ART3: variants seen among roughly 807,000 people sequenced by gnomAD.
ART3 encodes ecto-ADP-ribosyltransferase 3.
In ART3, 49 loss-of-function variants were observed where a neutral mutation model predicts 48.5. The ratio of observed to expected loss-of-function variants is 1.01; its 90% confidence interval spans 0.80 to 1.28. The LOEUF (loss-of-function observed/expected upper bound fraction) is 1.28. Among genes scored for constraint, ART3 ranks in the 50% most tolerant of loss-of-function variants. The pLI, the probability that ART3 is intolerant of heterozygous loss-of-function variation, is 0.00. For synonymous variants in ART3, 145 were observed against 157.2 expected (o/e 0.92, Z 0.58); for missense variants, 438 against 454.3 (o/e 0.96, Z 0.33).
At chr4:76,024,052 C>A (rs1211342325) in intron 1 of ART3, among the ~76,000 whole-genome samples, 1 of 152,180 alleles carries the variant, frequency 6.6e-6, no homozygotes, top group Non-Finnish European at 1.5e-5. Flanking sequence ...TCAATAAATG[C>A]TTTGATCATT....
chr4:76,078,949 C>A (rs138962137), intron 2 of ART3, among the ~76,000 whole-genome samples: 2 of 152,028 alleles, frequency 1.3e-5, no homozygotes, highest in Non-Finnish European at 2.9e-5. Context: ...GGCGTGGTGG[C>A]GGGCGTCTGT....
chr4:76,082,562 G>T, intron 3 of ART3, 27 bp downstream of exon 3: 1 of 1,519,008 alleles, frequency 6.6e-7, no homozygotes, highest in Non-Finnish European at 8.8e-7. Context: ...TCTGTGCTTG[G>T]CTGGGAGGGA....
intron 3 of ART3, among the ~76,000 whole-genome samples, chr4:76,096,796 A>T (rs1392135214): frequency 2.0e-5 from 3 of 152,188 alleles, no homozygotes; most frequent in African/African-American, 7.2e-5. Flanking sequence ...AATATTGTGG[A>T]TTTCCTCATA....
chr4:76,064,467 A>T (rs1241456365), intron 1 of ART3, among the ~76,000 whole-genome samples: 1 of 152,226 alleles, frequency 6.6e-6, no homozygotes, highest in Non-Finnish European at 1.5e-5. Context: ...AACAGCAGAG[A>T]TGGAAATAAA....
intron 1 of ART3, among the ~76,000 whole-genome samples, chr4:76,040,346 T>C (rs972873603): frequency 1.3e-5 from 2 of 151,298 alleles, no homozygotes; most frequent in Non-Finnish European, 2.9e-5. Context: ...AAACCAAACA[T>C]TAGAAAATGT....
At chr4:76,076,416 A>T (rs56054611) in intron 2 of ART3, among the ~76,000 whole-genome samples, 31,393 of 152,138 alleles carry the variant, frequency 0.21, 5,517 homozygotes, top group African/African-American at 0.48. Flanking sequence ...TTCATTTTAA[A>T]TATGTGACAG....
intron 1 of ART3, among the ~76,000 whole-genome samples, chr4:76,039,224 C>A (rs899499022): frequency 6.6e-6 from 1 of 152,034 alleles, no homozygotes; most frequent in Non-Finnish European, 1.5e-5. Flanking sequence ...CTCAGCCTCC[C>A]AAGTAGCTGG....
intron 1 of ART3, among the ~76,000 whole-genome samples, chr4:76,063,598 G>A (rs1218145294): frequency 3.3e-5 from 5 of 152,080 alleles, no homozygotes; most frequent in South Asian, 2.1e-4. Flanking sequence ...AGGTCTCTCC[G>A]GTTGTGCCAT....
chr4:76,015,829 A>G (rs1177281576), intron 1 of ART3, among the ~76,000 whole-genome samples: 1 of 152,100 alleles, frequency 6.6e-6, no homozygotes, highest in East Asian at 1.9e-4. Flanking sequence ...GGTTTTTGCC[A>G]TGTTGGTCAG....
At position 76,026,440 on chromosome 4, in the gene ART3, A is replaced by C. The variant is rs371657327; in HGVS notation, c.-10+15120A>C. ...TGAATCTTTACAGACTTTAAGTGAC[A>C]GCATACCAGGATTGTATTTCAAGAA... On this transcript the variant is annotated intron_variant, in intron 1 of 9. Transcript: ENST00000341029. 4.1e-4 allele frequency among the ~76,000 whole-genome samples: 62 copies of C among 152,364 alleles called. No homozygotes were observed. In the South Asian group the frequency reaches 0.012, roughly 31 times the overall value.
chr4:76,104,533 A>G, intron 9 of ART3, 64 bp from the exon 10 acceptor site: 1 of 1,550,688 alleles, frequency 6.4e-7, no homozygotes, highest in Non-Finnish European at 8.7e-7. Flanking sequence ...TCAGCAGACA[A>G]GAGTTTGAAA....
intron 1 of ART3, among the ~76,000 whole-genome samples, chr4:76,057,804 G>T (rs1718831566): frequency 6.6e-6 from 1 of 152,218 alleles, no homozygotes; most frequent in Admixed American, 6.5e-5. Context: ...TGCTATATAT[G>T]CGCATAGTTT....
chr4:76,098,608 A>G (rs1402130926), intron 4 of ART3, among the ~76,000 whole-genome samples: 1 of 152,038 alleles, frequency 6.6e-6, no homozygotes, highest in African/African-American at 2.4e-5. Context: ...AAAATACAAA[A>G]ATTAGCCAGG....
chr4:76,106,734 T>TC (rs369923816), intron 10 of ART3, among the ~76,000 whole-genome samples: 1 of 152,002 alleles, frequency 6.6e-6, no homozygotes. Flanking sequence ...TCAAGAGACT[T>TC]CCCCCCCACC....
At chr4:76,047,664 G>T (rs537617261) in intron 1 of ART3, among the ~76,000 whole-genome samples, 2 of 151,948 alleles carry the variant, frequency 1.3e-5, no homozygotes, top group Non-Finnish European at 2.9e-5. Context: ...TCCCAGTGGG[G>T]ATCCATACTG....
chr4:76,102,014 A>G (rs1727435154), intron 8 of ART3, among the ~76,000 whole-genome samples: 1 of 152,244 alleles, frequency 6.6e-6, no homozygotes, highest in South Asian at 2.1e-4. Flanking sequence ...AAATTACAAC[A>G]AATTTAAAGA....
intron 1 of ART3, among the ~76,000 whole-genome samples, chr4:76,054,765 T>A (rs545330204): frequency 6.6e-6 from 1 of 152,234 alleles, no homozygotes; most frequent in African/African-American, 2.4e-5. Flanking sequence ...GCCCAGGAGA[T>A]CAAGGTTGCA....
intron 1 of ART3, among the ~76,000 whole-genome samples, chr4:76,025,007 C>T (rs1025844343): frequency 1.3e-5 from 2 of 152,086 alleles, no homozygotes; most frequent in African/African-American, 2.4e-5. Flanking sequence ...AGAGCTGAAT[C>T]CCATGTTAAT....
chr4:76,100,184 G>T, intron 5 of ART3, 107 bp from the exon 6 acceptor site: 1 of 1,133,312 alleles, frequency 8.8e-7, no homozygotes, highest in Non-Finnish European at 1.3e-6. Context: ...CGTATCAAAT[G>T]GTTCTTTATA....
Sources: allele counts gnomAD v4.1 joint callset (sites outside exome capture counted in the v4.1 genomes callset), GRCh38; gene constraint gnomAD v4.1.1; transcripts MANE v1.5; gene names NCBI Gene and HGNC (gene_info 2026-07-23, HGNC 2026-07-21).